SCN9A: variants seen among roughly 807,000 people sequenced by gnomAD.
The protein encoded by SCN9A is sodium voltage-gated channel alpha subunit 9.
A neutral mutation model predicts 187.0 loss-of-function variants in SCN9A; 131 were observed. The observed-to-expected ratio is 0.70, with a 90% CI of 0.61 to 0.81. SCN9A has a LOEUF of 0.81. Among genes scored for constraint, SCN9A ranks in the 30% least tolerant of loss-of-function variants. SCN9A has a pLI of 0.00. For missense variants in SCN9A, 2,252 were observed against 2,396.6 expected, an observed-to-expected ratio of 0.94 and a Z score of 1.26; for synonymous variants, 809 against 808.6, an observed-to-expected ratio of 1.00 and a Z score of -0.01.
intron 17 of SCN9A, among the ~76,000 whole-genome samples, chr2:166,252,566 A>G (rs1160037682): frequency 6.6e-6 from 1 of 151,908 alleles, no homozygotes; most frequent in Non-Finnish European, 1.5e-5. Context: ...AGAAAAGATC[A>G]AACAGTATTA....
intron 18 of SCN9A, among the ~76,000 whole-genome samples, chr2:166,248,720 G>A (rs572716106): frequency 6.6e-6 from 1 of 152,258 alleles, no homozygotes; most frequent in Admixed American, 6.5e-5. Context: ...AGGCTGGAGT[G>A]CAGTGGCACA....
rs1328455631 is a variant in SCN9A at position 166,303,150 on chromosome 2, C to G, written c.841G>C (p.Glu281Gln). ...ATGCTTTCTAATGTTTCATTATTTT[C>G]AAGTGAATTTCGAAAACATTTATGC... ...LKHKCFRNSL[E>Q]NNETLESIMN... Residue 281 changes from glutamate (E) to glutamine (Q), a missense_variant, in exon 7 of 27, where the codon GAA becomes CAA. Coordinates refer to ENST00000642356, the MANE Select transcript of SCN9A (RefSeq NM_001365536.1). 6.2e-7 allele frequency: 1 copy of G among 1,611,628 alleles called. No homozygotes were observed. The highest frequency in any genetic ancestry group is 2.2e-5 in the East Asian group (1 of 44,818).
intron 18 of SCN9A, among the ~76,000 whole-genome samples, chr2:166,245,810 T>G (rs996810907): frequency 2.0e-5 from 3 of 152,046 alleles, no homozygotes; most frequent in Non-Finnish European, 4.4e-5. Context: ...TAACAAGTAT[T>G]GAGTTTTCAA....
chr2:166,202,597 G>T (rs1558943714), intron 26 of SCN9A, among the ~76,000 whole-genome samples: 1 of 151,692 alleles, frequency 6.6e-6, no homozygotes, highest in Non-Finnish European at 1.5e-5. Context: ...AAATTTGAAA[G>T]TCTTAATTAC....
At chr2:166,315,664 T>G (rs990202843) in intron 1 of SCN9A, among the ~76,000 whole-genome samples, 3 of 152,202 alleles carry the variant, frequency 2.0e-5, no homozygotes, top group African/African-American at 4.8e-5. Context: ...GCAGCTTTAG[T>G]TGGCATCTGA....
intron 1 of SCN9A, among the ~76,000 whole-genome samples, chr2:166,339,326 T>A (rs558134318): frequency 6.6e-6 from 1 of 152,136 alleles, no homozygotes; most frequent in African/African-American, 2.4e-5. Flanking sequence ...CTCTCTGATA[T>A]ATAATGTATC....
Position 166,278,282 on chromosome 2 carries a change from A to G in SCN9A, c.2375T>C (p.Val792Ala). Reference sequence around the variant, plus strand: ...TGGATCCATGGCAATCAGTTTTAATACCATTTCAGCTGCAAAGATTCCAGT... The same window carrying G: ...TGGATCCATGGCAATCAGTTTTAATGCCATTTCAGCTGCAAAGATTCCAGT... ...VFTGIFAAEMVLKLIAMDPYE... is the reference protein window; with the variant it reads ...VFTGIFAAEMALKLIAMDPYE... Residue 792 changes from valine to alanine, a missense_variant, in exon 15 of 27, where the codon GTA becomes GCA. By Grantham distance (64) the Val-to-Ala change is moderately conservative. Transcript: ENST00000642356. 1 of 1,608,906 alleles carries G rather than the reference A, an allele frequency of 6.2e-7. No individual in the cohort carries two copies. Among genetic ancestry groups the G allele is most frequent in the Non-Finnish European group, 8.5e-7 (1 of 1,178,150 alleles).
rs574340577 is a variant in SCN9A at position 166,333,815 on chromosome 2, A to G, written c.-50-22009T>C. On this transcript the variant is annotated intron_variant, in intron 1 of 26. Coordinates refer to ENST00000642356, the MANE Select transcript of SCN9A (RefSeq NM_001365536.1). ...CAAGGGATAAAATACATTTCAAAATATACTCATGACAAATGTAAAAATAAT... is the reference window on the plus strand; with the variant it reads ...CAAGGGATAAAATACATTTCAAAATGTACTCATGACAAATGTAAAAATAAT... Among the ~76,000 whole-genome samples, 6 of 152,156 alleles carry G rather than the reference A, an allele frequency of 3.9e-5. 1 individual carries two copies. Among genetic ancestry groups the G allele is most frequent in the Admixed American group, 3.9e-4 (6 of 15,248 alleles).
intron 5 of SCN9A, among the ~76,000 whole-genome samples, chr2:166,304,669 G>C (rs1698694415): frequency 1.3e-5 from 2 of 151,862 alleles, no homozygotes; most frequent in South Asian, 4.2e-4. Context: ...GACACAAAAG[G>C]CTGCATACTG....
chr2:166,272,174 T>C (rs1470820728), intron 17 of SCN9A, among the ~76,000 whole-genome samples: 1 of 152,080 alleles, frequency 6.6e-6, no homozygotes, highest in Admixed American at 6.6e-5. Context: ...AAAGATACCT[T>C]TGAGCTTTCT....
intron 17 of SCN9A, among the ~76,000 whole-genome samples, chr2:166,253,464 T>G (rs949865175): frequency 3.3e-5 from 5 of 151,846 alleles, no homozygotes; most frequent in Non-Finnish European, 7.4e-5. Context: ...AGAAATTAAT[T>G]ATAACTGAAT....
Position 166,199,429 on chromosome 2 carries a change from A to G in SCN9A, c.5210T>C (p.Ile1737Thr). 6.2e-7 allele frequency: 1 copy of G among 1,614,230 alleles called. No individual in the cohort carries two copies. Among genetic ancestry groups the G allele is most frequent in the East Asian group, 2.2e-5 (1 of 44,884 alleles). The change falls in exon 27 of 27, where the codon ATA becomes ACA. Residue 1737 changes from isoleucine (I) to threonine (T), a missense_variant. Around this residue, in one of 7 missense-constraint regions of SCN9A, gnomAD observed 345 missense variants for 344.6 expected, o/e 1.00. Transcript: ENST00000642356. ...EGDCGNPSVG[I>T]FYFVSYIIIS... ...GATGATATAACTAACAAAGTAGAAT[A>G]TTCCAACAGATGGGTTACCACAGTC...
At chr2:166,286,218 TA>T in intron 11 of SCN9A, 117 bp downstream of exon 11, 1 of 1,010,744 alleles carries the variant, frequency 9.9e-7, no homozygotes, top group Non-Finnish European at 1.4e-6. Flanking sequence ...GGTTTTTACC[TA>T]AAATCATACC....
chr2:166,282,243 A>C (rs886852004), intron 12 of SCN9A, among the ~76,000 whole-genome samples: 1 of 152,126 alleles, frequency 6.6e-6, no homozygotes, highest in East Asian at 1.9e-4. Context: ...TCTCTGATAA[A>C]TTTCTGGAAT....
At chr2:166,356,063 G>A (rs1300757281) in intron 1 of SCN9A, among the ~76,000 whole-genome samples, 1 of 152,096 alleles carries the variant, frequency 6.6e-6, no homozygotes, top group African/African-American at 2.4e-5. Context: ...GAGCCACTGC[G>A]CCTGGCCAAA....
At chr2:166,270,762 G>GATATATAT (rs60551465) in intron 17 of SCN9A, among the ~76,000 whole-genome samples, 11,090 of 143,442 alleles carry the variant, frequency 0.077, 476 homozygotes, top group Non-Finnish European at 0.086. Context: ...GCATTTTACT[G>GATATATAT]ATATATATAT....
At position 166,204,011 on chromosome 2, in the gene SCN9A, T is replaced by C. The variant is rs375732973; in HGVS notation, c.4718A>G (p.Tyr1573Cys). 5 of 1,604,652 alleles carry C rather than the reference T, an allele frequency of 3.1e-6. No individual in the cohort carries two copies. Among genetic ancestry groups the C allele is most frequent in the Non-Finnish European group, 4.3e-6 (5 of 1,172,252 alleles). ...AAAAATATTCCATCCTACAGTGAAGTAGTAGTGTCTGAGGGAGATCAGTTT... is the reference window on the plus strand; with the variant it reads ...AAAAATATTCCATCCTACAGTGAAGCAGTAGTGTCTGAGGGAGATCAGTTT... ...VLKLISLRHY[Y>C]FTVGWNIFDF... The change falls in exon 26 of 27, where the codon TAC becomes TGC. Residue 1573 changes from tyrosine (Y) to cysteine (C), a missense_variant. Physicochemically the swap from Tyr to Cys is radical, Grantham distance 194. Transcript: ENST00000642356.
intron 17 of SCN9A, among the ~76,000 whole-genome samples, chr2:166,270,483 C>T (rs879446769): frequency 8.6e-5 from 13 of 151,352 alleles, no homozygotes; most frequent in Admixed American, 5.9e-4. Flanking sequence ...CTTACTTTAC[C>T]GTCTTGGAAA....
At chr2:166,295,328 C>T (rs1196982511) in intron 7 of SCN9A, among the ~76,000 whole-genome samples, 4 of 152,136 alleles carry the variant, frequency 2.6e-5, no homozygotes, top group South Asian at 2.1e-4. Flanking sequence ...ATTAAAGGTA[C>T]GGTCATGTGT....
Sources: allele counts gnomAD v4.1 joint callset (sites outside exome capture counted in the v4.1 genomes callset), GRCh38; gene constraint gnomAD v4.1.1; regional missense constraint gnomAD v4.1.1; transcripts MANE v1.5; gene names NCBI Gene and HGNC (gene_info 2026-07-23, HGNC 2026-07-21).